Variants in STX5 observed in about 807,000 individuals in gnomAD.
STX5 encodes syntaxin-5.
In STX5, 15 loss-of-function variants were observed where a neutral mutation model predicts 42.9. The ratio of observed to expected loss-of-function variants is 0.35; its 90% CI spans 0.23 to 0.54. The LOEUF (loss-of-function observed/expected upper bound fraction) is 0.54. Among genes scored for constraint, STX5 ranks in the 20% least tolerant of loss-of-function variants. The pLI is 0.91. For synonymous variants in STX5, 184 were observed against 173.2 expected (o/e 1.06, Z -0.49); for missense variants, 430 against 455.0 (o/e 0.95, Z 0.50).
At chr11:62,821,450 C>T (rs1403659109) in intron 10 of STX5, among the ~76,000 whole-genome samples, 1 of 152,010 alleles carries the variant, frequency 6.6e-6, no homozygotes, top group African/African-American at 2.4e-5. Flanking sequence ...TGTGGCCAGG[C>T]GCAGTGGCTC....
chr11:62,808,446 A>C (rs1014284434), intron 10 of STX5, among the ~76,000 whole-genome samples: 1 of 151,324 alleles, frequency 6.6e-6, no homozygotes. Context: ...AAAAAAAAAA[A>C]AACACCAAAA....
rs1245419250 is a variant in STX5 at position 62,825,252 on chromosome 11, TTCCTACCCC to T, written c.597+22_597+30del. The T allele has an allele frequency of 1.9e-6, 3 of 1,613,754 alleles. No homozygotes were observed. The Admixed American group carries it at 5.0e-5, about 27-fold the overall frequency. On this transcript the variant is annotated intron_variant, in intron 7 of 10. Transcript: ENST00000294179. Reference sequence around the variant, plus strand: ...TCCCTCTTGGATCTTTACTCCCATATTCCTACCCCTCCTACGCAGATTGTTCTCACCTCT... The same window carrying T: ...TCCCTCTTGGATCTTTACTCCCATATTCCTACGCAGATTGTTCTCACCTCT...
Position 62,807,381 on chromosome 11 carries a change from AC to A in STX5, c.*87del. ...GGGAAACAGGGCCTTTCTCCCAAGT[AC>A]CCTGCACAGGCTCAGTGGCAGCACT... On this transcript the variant is annotated 3_prime_UTR_variant, in exon 11 of 11. Transcript: ENST00000294179. The A allele has an allele frequency of 6.5e-7, 1 of 1,534,872 alleles. No homozygotes were observed. Among genetic ancestry groups the A allele is most frequent in the South Asian group, 1.2e-5 (1 of 80,494 alleles).
chr11:62,827,842 G>A (rs1479497451), intron 2 of STX5, among the ~76,000 whole-genome samples: 1 of 151,948 alleles, frequency 6.6e-6, no homozygotes, highest in Non-Finnish European at 1.5e-5. Flanking sequence ...ACTAGCTGGT[G>A]GATTTGGGGC....
intron 5 of STX5, 80 bp downstream of exon 5, chr11:62,827,075 C>A: frequency 7.3e-7 from 1 of 1,374,548 alleles, no homozygotes; most frequent in Non-Finnish European, 1.0e-6. Context: ...TGCTCTGGGT[C>A]CCCATGGCAA....
At chr11:62,827,031 C>G in intron 5 of STX5, 124 bp downstream of exon 5, 2 of 816,746 alleles carry the variant, frequency 2.4e-6, no homozygotes, top group South Asian at 3.4e-5. Flanking sequence ...GACTGGTCAA[C>G]ACAGTGAGAC....
chr11:62,819,282 TTTAG>T (rs1408158519), intron 10 of STX5, among the ~76,000 whole-genome samples: 1 of 138,522 alleles, frequency 7.2e-6, no homozygotes, highest in Non-Finnish European at 1.5e-5. Context: ...TTAGTTTTGA[TTTAG>T]TTAGTGAAAA....
At chr11:62,830,292 C>T in intron 2 of STX5, 4 of 250,558 alleles carry the variant, frequency 1.6e-5, no homozygotes, top group South Asian at 1.6e-4. Context: ...TGAGCCACCA[C>T]ATCCAACCCT....
intron 2 of STX5, among the ~76,000 whole-genome samples, chr11:62,829,531 A>C (rs927843978): frequency 2.6e-5 from 4 of 152,042 alleles, no homozygotes; most frequent in Admixed American, 2.0e-4. Flanking sequence ...TGAGAAGATA[A>C]AGCAGACGGA....
chr11:62,823,322 A>G lies in STX5; in HGVS notation c.908+844T>C, dbSNP rs557563237. 7.2e-5 allele frequency among the ~76,000 whole-genome samples: 11 copies of G among 151,832 alleles called. No homozygotes were observed. The Middle Eastern group carries it at 0.014, about 189-fold the overall frequency. ...CCCGAGTAGCTGGAACCACAGGCAC[A>G]CGCAACCATGTCCAGCTAATTTTTT... On this transcript the variant is annotated intron_variant, in intron 10 of 10. Coordinates refer to ENST00000294179, the MANE Select transcript of STX5 (RefSeq NM_003164.5).
intron 10 of STX5, among the ~76,000 whole-genome samples, chr11:62,816,915 G>C (rs2084680362): frequency 6.6e-6 from 1 of 151,496 alleles, no homozygotes; most frequent in Non-Finnish European, 1.5e-5. Flanking sequence ...AGAAAGAGCT[G>C]TCTATTCATC....
At position 62,824,302 on chromosome 11, in the gene STX5, G is replaced by A. The variant is rs761911320; in HGVS notation, c.787-15C>T. On this transcript the variant is annotated splice_polypyrimidine_tract_variant and intron_variant, in intron 9 of 10. Coordinates refer to ENST00000294179, the MANE Select transcript of STX5 (RefSeq NM_003164.5). ...ATGTAGGAATCCTTCAGGAGAGGGA[G>A]AGAGCACATGAGCACCAACAGCTTC... The A allele has an allele frequency of 1.2e-6, 2 of 1,614,202 alleles. No homozygotes were observed. The highest frequency in any genetic ancestry group is 2.2e-5 in the South Asian group (2 of 91,080).
intron 10 of STX5, chr11:62,823,807 A>C (rs941411621): frequency 1.7e-5 from 4 of 230,670 alleles, no homozygotes; most frequent in Non-Finnish European, 3.5e-5. Flanking sequence ...TCGGCCTCCC[A>C]AAGTGCTGCC....
intron 2 of STX5, among the ~76,000 whole-genome samples, chr11:62,828,721 G>A (rs1349356084): frequency 1.4e-5 from 2 of 143,978 alleles, no homozygotes; most frequent in East Asian, 4.0e-4. Flanking sequence ...GCGAGACTCC[G>A]TCTCAAAATA....
At chr11:62,812,906 G>A (rs548452854) in intron 10 of STX5, among the ~76,000 whole-genome samples, 29 of 151,560 alleles carry the variant, frequency 1.9e-4, no homozygotes, top group Non-Finnish European at 3.5e-4. Flanking sequence ...AGGTCTAGGA[G>A]TTCAAGACCA....
At chr11:62,829,910 C>T (rs1349024985) in intron 2 of STX5, among the ~76,000 whole-genome samples, 2 of 151,490 alleles carry the variant, frequency 1.3e-5, no homozygotes, top group East Asian at 1.9e-4. Context: ...AAAAAAAATA[C>T]AAAAATTAGC....
intron 10 of STX5, among the ~76,000 whole-genome samples, chr11:62,818,069 C>T (rs1384593759): frequency 6.6e-6 from 1 of 151,920 alleles, no homozygotes; most frequent in Non-Finnish European, 1.5e-5. Flanking sequence ...CATGGCAAAA[C>T]CCCATCTCTC....
chr11:62,817,484 C>A (rs1448841763), intron 10 of STX5, among the ~76,000 whole-genome samples: 7 of 152,152 alleles, frequency 4.6e-5, no homozygotes, highest in African/African-American at 1.7e-4. Context: ...AAAAAGTCAA[C>A]ATTCTTTATA....
chr11:62,814,351 G>A (rs1423016609), intron 10 of STX5, among the ~76,000 whole-genome samples: 2 of 152,006 alleles, frequency 1.3e-5, no homozygotes, highest in African/African-American at 4.8e-5. Context: ...TGGCAGAGAT[G>A]GGTTTCACCA....
Sources: allele counts gnomAD v4.1 joint callset (sites outside exome capture counted in the v4.1 genomes callset), GRCh38; gene constraint gnomAD v4.1.1; transcripts MANE v1.5; gene names NCBI Gene and HGNC (gene_info 2026-07-23, HGNC 2026-07-21).